ANK3: variants seen among roughly 807,000 people sequenced by gnomAD.
ANK3 encodes the protein ankyrin 3.
In ANK3, 57 loss-of-function variants were observed where a neutral mutation model predicts 370.9. The ratio of observed to expected loss-of-function variants is 0.15; its 90% CI spans 0.12 to 0.19. The LOEUF (loss-of-function observed/expected upper bound fraction) is 0.19, where lower values mean the gene tolerates loss of function less well. Among genes scored for constraint, ANK3 ranks in the 10% least tolerant of loss-of-function variants. The pLI, the probability that ANK3 is intolerant of heterozygous loss-of-function variation, is 1.00. For synonymous variants in ANK3, 1,929 were observed against 1,946.3 expected (o/e 0.99, Z 0.23); for missense variants, 4,439 against 5,302.1 (o/e 0.84, Z 5.06).
chr10:60,645,600 CTG>C (rs2078700096), intron 1 of ANK3, among the ~76,000 whole-genome samples: 1 of 152,010 alleles, frequency 6.6e-6, no homozygotes, highest in Non-Finnish European at 1.5e-5. Context: ...TGGTGGGTGC[CTG>C]TAATCCCAAC....
At chr10:60,679,048 C>A (rs1283192954) in intron 1 of ANK3, among the ~76,000 whole-genome samples, 1 of 152,216 alleles carries the variant, frequency 6.6e-6, no homozygotes, top group Non-Finnish European at 1.5e-5. Context: ...GGAGACAGCA[C>A]TGTGTCCTCA....
chr10:60,041,525 T>C (rs2076086539), intron 43 of ANK3, among the ~76,000 whole-genome samples: 2 of 152,102 alleles, frequency 1.3e-5, no homozygotes, highest in South Asian at 4.1e-4. Flanking sequence ...ATCTATCAAA[T>C]GGGGATGATG....
chr10:60,234,429 C>T (rs1444430012), intron 8 of ANK3, among the ~76,000 whole-genome samples: 2 of 152,206 alleles, frequency 1.3e-5, no homozygotes, highest in South Asian at 2.1e-4. Flanking sequence ...GCTTAGCTTA[C>T]AGTGTCTTGA....
chr10:60,570,967 C>T (rs971021651), intron 2 of ANK3, among the ~76,000 whole-genome samples: 2 of 151,986 alleles, frequency 1.3e-5, no homozygotes, highest in African/African-American at 4.8e-5. Flanking sequence ...TCTGTCTCGG[C>T]TCTCTATGAC....
At chr10:60,650,676 A>C (rs779610839) in intron 1 of ANK3, among the ~76,000 whole-genome samples, 1 of 152,200 alleles carries the variant, frequency 6.6e-6, no homozygotes, top group African/African-American at 2.4e-5. Context: ...ACCAGACACT[A>C]ATCTAATAAT....
intron 1 of ANK3, among the ~76,000 whole-genome samples, chr10:60,347,991 C>A (rs1033968298): frequency 2.3e-4 from 35 of 152,058 alleles, no homozygotes; most frequent in Admixed American, 2.3e-3. Flanking sequence ...CTTCTTAGCC[C>A]CAACCCCCAA....
In ANK3 at chr10:60,068,673, T is replaced by C. The variant is rs1234278376; in HGVS notation, c.12208A>G (p.Lys4070Glu). The C allele has an allele frequency of 6.2e-7, 1 of 1,612,860 alleles. No homozygotes were observed. The highest frequency in any genetic ancestry group is 1.7e-5 in the Admixed American group (1 of 59,892). ...EAAPLKSKSE[K>E]AGSEKRSSRR... ...CTGCTCCTTTTCTCACTGCCGGCCT[T>C]TTCACTCTTTGATTTTAAAGGTGCT... The change falls in exon 37 of 44, where the codon AAG (lysine) becomes GAG (glutamate). Residue 4070 changes from lysine to glutamate, a missense_variant. Transcript: ENST00000280772.
intron 25 of ANK3, among the ~76,000 whole-genome samples, chr10:60,131,542 G>C (rs891315226): frequency 6.6e-6 from 1 of 152,166 alleles, no homozygotes; most frequent in Non-Finnish European, 1.5e-5. Flanking sequence ...GACTACAAGA[G>C]CATCAGTTTC....
intron 2 of ANK3, among the ~76,000 whole-genome samples, chr10:60,520,183 A>T (rs2133179915): frequency 6.6e-6 from 1 of 152,292 alleles, no homozygotes; most frequent in Middle Eastern, 3.4e-3. Flanking sequence ...ATGCAGAAAC[A>T]GAAAACCAAA....
chr10:60,032,603 G>A lies in ANK3; in HGVS notation c.*20-2777C>T, dbSNP rs186477485. ...CAATCCAACTTCCCAGGTTAATTTC[G>A]TAATGAGTAGCAAGGCCTTTCTCTT... On this transcript the variant is annotated intron_variant, in intron 43 of 43. Coordinates refer to ENST00000280772, the MANE Select transcript of ANK3 (RefSeq NM_020987.5). Among the ~76,000 whole-genome samples the A allele has an allele frequency of 5.3e-4, 80 of 152,122 alleles. 1 individual carries two copies. The highest frequency in any genetic ancestry group is 4.8e-3 in the South Asian group (23 of 4,812).
intron 1 of ANK3, among the ~76,000 whole-genome samples, chr10:60,320,076 A>G (rs2048302222): frequency 6.6e-6 from 1 of 152,146 alleles, no homozygotes; most frequent in Admixed American, 6.5e-5. Context: ...AGTTCCAACC[A>G]CTTTCTTTCC....
rs113754693 is a variant in ANK3, at chr10:60,451,480, A to T, written c.96+163706T>A. ...TGGTCTAGTGCTCAGCTTATTTCACATGGCCTTGCCTTTTGAAGAACACAT... is the reference window on the plus strand; with the variant it reads ...TGGTCTAGTGCTCAGCTTATTTCACTTGGCCTTGCCTTTTGAAGAACACAT... On this transcript the variant is annotated intron_variant, in intron 2 of 43. Transcript: ENST00000373827. Among the ~76,000 whole-genome samples the T allele has an allele frequency of 8.1e-3, 1,227 of 152,280 alleles. 18 individuals are homozygous for T. The highest frequency in any genetic ancestry group is 0.028 in the African/African-American group (1,156 of 41,566).
chr10:60,088,555 A>G (rs973930657), intron 28 of ANK3, among the ~76,000 whole-genome samples, 197 bp from the exon 29 acceptor site: 2 of 152,112 alleles, frequency 1.3e-5, no homozygotes, highest in African/African-American at 2.4e-5. Flanking sequence ...CCTCCCAAGT[A>G]GCTGGGATTA....
At chr10:60,485,519 AG>A (rs2133109331) in intron 2 of ANK3, among the ~76,000 whole-genome samples, 1 of 152,312 alleles carries the variant, frequency 6.6e-6, no homozygotes, top group Admixed American at 6.5e-5. Context: ...GACATCAACA[AG>A]GGACACTAAA....
At chr10:60,298,186 GT>G (rs34471086) in intron 1 of ANK3, among the ~76,000 whole-genome samples, 4 of 151,936 alleles carry the variant, frequency 2.6e-5, no homozygotes, top group Non-Finnish European at 5.9e-5. Context: ...TAGAGTCTAG[GT>G]TTTTTTCATG....
At chr10:60,535,971 G>T (rs889725351) in intron 2 of ANK3, among the ~76,000 whole-genome samples, 2 of 151,842 alleles carry the variant, frequency 1.3e-5, no homozygotes. Flanking sequence ...AACAATATTG[G>T]TTGTTTAAAT....
chr10:60,264,071 T>C, intron 5 of ANK3, 51 bp from the exon 6 acceptor site: 1 of 1,482,876 alleles, frequency 6.7e-7, no homozygotes, highest in Non-Finnish European at 9.1e-7. Flanking sequence ...ATTTTCTTTT[T>C]TATTAAATTA....
At chr10:60,391,826 C>T (rs1441346366), upstream of ANK3, among the ~76,000 whole-genome samples, 1 of 152,148 alleles carries the variant, frequency 6.6e-6, no homozygotes, top group Non-Finnish European at 1.5e-5. Flanking sequence ...TCTTTGCTTC[C>T]CCCAAATGTT....
chr10:60,543,233 G>A (rs10761517), intron 2 of ANK3, among the ~76,000 whole-genome samples: 103,419 of 151,658 alleles, frequency 0.68, 35,598 homozygotes, highest in South Asian at 0.87. Context: ...ACAATTTGGG[G>A]GATACTCTGT....
Sources: gnomAD v4.1 joint callset for allele counts (sites outside exome capture counted in the v4.1 genomes callset) on GRCh38, gnomAD v4.1.1 for gene constraint, MANE v1.5 for transcripts, NCBI Gene and HGNC (gene_info 2026-07-23, HGNC 2026-07-21) for gene names.